ATG2B: variants seen among roughly 807,000 people sequenced by gnomAD.
ATG2B encodes the protein autophagy related 2B.
In ATG2B, 121 loss-of-function variants were observed where a neutral mutation model predicts 241.3. That is an observed-to-expected ratio of 0.50 (90% confidence interval 0.43 to 0.58). The LOEUF is 0.58. Among genes scored for constraint, ATG2B ranks in the 20% least tolerant of loss-of-function variants. ATG2B has a pLI of 0.00. For synonymous variants in ATG2B, 858 were observed against 876.6 expected (o/e 0.98, Z 0.37); for missense variants, 2,306 against 2,491.6 (o/e 0.93, Z 1.59).
In ATG2B at chr14:96,317,088, C is replaced by A. The variant is rs1440868773; in HGVS notation, c.3210+57G>T. ...TTCAATCACTAGATATGTATCCTAG[C>A]AGATTTATTTAAAGTAAGATACATT... On this transcript the variant is annotated intron_variant, in intron 20 of 41. Coordinates refer to ENST00000359933, the MANE Select transcript of ATG2B (RefSeq NM_018036.7). 5 of 1,417,092 alleles carry A rather than the reference C, an allele frequency of 3.5e-6. No homozygotes were observed. In the South Asian group the frequency reaches 5.3e-5, roughly 15 times the overall value. 87.8% of individuals were successfully genotyped at this position (1,417,092 alleles called of 1,614,324 possible). A position where few individuals can be genotyped will look rare whatever the true frequency, so the allele number is the denominator to read the frequency against.
rs777995355 is a variant in ATG2B at position 96,341,623 on chromosome 14, G to T, written c.823C>A (p.Pro275Thr). The T allele has an allele frequency of 6.2e-7, 1 of 1,602,992 alleles. No homozygotes were observed. The highest frequency in any genetic ancestry group is 2.2e-5 in the East Asian group (1 of 44,482). ...ACTGGGTCAGAAGGTGCTATCTCTGGTAAATTTCTAGTTAGCTGTGGGTGT... is the reference window on the plus strand; with the variant it reads ...ACTGGGTCAGAAGGTGCTATCTCTGTTAAATTTCTAGTTAGCTGTGGGTGT... ...EPHPQLTRNL[P>T]EIAPSDPVQI... The change falls in exon 6 of 42, where the codon CCA becomes ACA. Residue 275 changes from proline (P) to threonine (T), a missense_variant. By Grantham distance (38) the Pro-to-Thr change is conservative (BLOSUM62 -1). Coordinates refer to ENST00000359933, the MANE Select transcript of ATG2B (RefSeq NM_018036.7).
At position 96,324,011 on chromosome 14, in the gene ATG2B, A is replaced by G. The variant is rs935690868; in HGVS notation, c.2438-13T>C. The G allele has an allele frequency of 5.1e-6, 7 of 1,372,084 alleles. No individual in the cohort carries two copies. The African/African-American group carries it at 1.1e-4, about 21-fold the overall frequency. The allele number at this position is 1,372,084 out of a possible 1,614,324, so 85.0% of individuals were successfully genotyped here. ...TCCTGGAACGATCCTAAAAAAAAAG[A>G]CTGATTTACTGAAATGTGCTTCTTC... On this transcript the variant is annotated splice_polypyrimidine_tract_variant and intron_variant, in intron 15 of 41. Coordinates refer to ENST00000359933, the MANE Select transcript of ATG2B (RefSeq NM_018036.7).
At chr14:96,303,755 T>C (rs779916268) in intron 32 of ATG2B, among the ~76,000 whole-genome samples, 26 of 152,174 alleles carry the variant, frequency 1.7e-4, no homozygotes, top group South Asian at 6.2e-4. Flanking sequence ...TAAGGGGGAC[T>C]ATGTGGACCC....
intron 8 of ATG2B, 52 bp downstream of exon 8, chr14:96,333,636 T>TTATCTATGATTATAATAA: frequency 6.5e-7 from 1 of 1,529,478 alleles, no homozygotes; most frequent in Non-Finnish European, 8.9e-7. Context: ...AAGTGTAATT[T>TTATCTATGATTATAATAA]TATCTATGAT....
chr14:96,296,185 C>A (rs966998340), intron 34 of ATG2B, among the ~76,000 whole-genome samples: 3 of 152,148 alleles, frequency 2.0e-5, no homozygotes, highest in African/African-American at 7.2e-5. Flanking sequence ...CTTCAAAGTT[C>A]CAAATGACTT....
chr14:96,308,282 A>ATATATATATATATAT (rs1566720002), intron 29 of ATG2B, among the ~76,000 whole-genome samples: 1 of 37,036 alleles, frequency 2.7e-5, no homozygotes, highest in Non-Finnish European at 5.1e-5. Context: ...ATATATATAT[A>ATATATATATATATAT]TTTTTTTTTT....
intron 26 of ATG2B, 34 bp from the exon 27 acceptor site, chr14:96,311,652 T>C (rs2139859305): frequency 7.0e-7 from 1 of 1,431,496 alleles, no homozygotes; most frequent in Non-Finnish European, 9.8e-7. Context: ...ATCTCTTCAG[T>C]ACAGCTTTCA....
At chr14:96,319,783 C>T (rs1007605200) in intron 18 of ATG2B, among the ~76,000 whole-genome samples, 4 of 152,188 alleles carry the variant, frequency 2.6e-5, no homozygotes, top group African/African-American at 9.7e-5. Flanking sequence ...AACTTACTCT[C>T]AGATGGTTAG....
chr14:96,340,146 TG>T (rs1887987517), intron 6 of ATG2B, among the ~76,000 whole-genome samples: 2 of 73,914 alleles, frequency 2.7e-5, no homozygotes, highest in Non-Finnish European at 8.0e-5. Context: ...ATGATATATA[TG>T]AATATATATA....
intron 8 of ATG2B, 96 bp from the exon 9 acceptor site, chr14:96,332,751 G>T: frequency 2.0e-6 from 2 of 989,876 alleles, no homozygotes; most frequent in Non-Finnish European, 2.7e-6. Flanking sequence ...TCTTCCTTCA[G>T]ATTATATGAG....
chr14:96,303,901 C>T (rs1886864105), intron 32 of ATG2B, among the ~76,000 whole-genome samples: 1 of 152,164 alleles, frequency 6.6e-6, no homozygotes, highest in Non-Finnish European at 1.5e-5. Context: ...TAAAATGAAT[C>T]AGCAGAGGCA....
intron 6 of ATG2B, among the ~76,000 whole-genome samples, chr14:96,340,122 T>TC (rs1566731546): frequency 7.0e-5 from 1 of 14,382 alleles, no homozygotes; most frequent in Non-Finnish European, 1.5e-4. Flanking sequence ...TATATATGAA[T>TC]ATATATATCA....
chr14:96,359,238 G>A (rs748140366), intron 1 of ATG2B, among the ~76,000 whole-genome samples: 1 of 151,910 alleles, frequency 6.6e-6, no homozygotes, highest in Non-Finnish European at 1.5e-5. Context: ...CAGGTGTGGT[G>A]GCATGCACCT....
chr14:96,322,494 C>A, intron 17 of ATG2B, 46 bp downstream of exon 17: 1 of 1,531,184 alleles, frequency 6.5e-7, no homozygotes, highest in Admixed American at 2.0e-5. Context: ...TGCTCTATGA[C>A]AGAGAATAAT....
intron 34 of ATG2B, among the ~76,000 whole-genome samples, chr14:96,301,789 C>G (rs113781819): frequency 0.011 from 1,657 of 152,244 alleles, 28 homozygotes; most frequent in African/African-American, 0.038. Flanking sequence ...CTACATCACA[C>G]CATGAGTAGG....
At chr14:96,350,041 A>G (rs1888273174) in intron 1 of ATG2B, among the ~76,000 whole-genome samples, 1 of 152,214 alleles carries the variant, frequency 6.6e-6, no homozygotes. Flanking sequence ...CCGTAATCCC[A>G]GCTACTTGAG....
chr14:96,297,787 A>T (rs1485245058), intron 34 of ATG2B, among the ~76,000 whole-genome samples: 1 of 151,338 alleles, frequency 6.6e-6, no homozygotes, highest in Non-Finnish European at 1.5e-5. Context: ...CCAACAACTC[A>T]ATTTTATTTT....
intron 14 of ATG2B, among the ~76,000 whole-genome samples, chr14:96,326,253 C>T (rs1887585988): frequency 1.3e-5 from 2 of 152,080 alleles, no homozygotes; most frequent in Non-Finnish European, 2.9e-5. Context: ...ATTAGCCTAC[C>T]AACAAATTCA....
rs1566719942 is a variant in ATG2B at position 96,308,272 on chromosome 14, ATATATATATATTTT to A, written c.4303+1167_4303+1180del. ...TATATACACACATATATATATATAT[ATATATATATATTTT>A]TTTTTTTTTTTTTTTTGAGACAGAA... On this transcript the variant is annotated intron_variant, in intron 29 of 41. Coordinates refer to ENST00000359933, the MANE Select transcript of ATG2B (RefSeq NM_018036.7). Among the ~76,000 whole-genome samples the A allele has an allele frequency of 2.6e-3, 67 of 25,858 alleles. 2 individuals are homozygous for A. Among genetic ancestry groups the A allele is most frequent in the African/African-American group, 7.0e-3 (29 of 4,148 alleles). The allele number at this position is 25,858 out of a possible 152,430, so 17.0% of individuals were successfully genotyped here.
Sources: allele counts gnomAD v4.1 joint callset (sites outside exome capture counted in the v4.1 genomes callset), GRCh38; gene constraint gnomAD v4.1.1; transcripts MANE v1.5; gene names NCBI Gene and HGNC (gene_info 2026-07-23, HGNC 2026-07-21).